Variants in TEDC1 observed in about 807,000 individuals in gnomAD.
TEDC1 encodes tubulin epsilon and delta complex 1.
In TEDC1, 54 loss-of-function variants were observed where a neutral mutation model predicts 59.9. The ratio of observed to expected loss-of-function variants is 0.90; its 90% confidence interval spans 0.72 to 1.13. TEDC1 has a LOEUF of 1.13. TEDC1 is among the 50% of genes most tolerant of loss of function. The pLI, the probability that TEDC1 is intolerant of heterozygous loss-of-function variation, is 0.00. For missense variants in TEDC1, 734 were observed against 683.4 expected, an observed-to-expected ratio of 1.07 and a Z score of -0.83; for synonymous variants, 353 against 298.1, an observed-to-expected ratio of 1.18 and a Z score of -1.90.
intron 5 of TEDC1, 142 bp downstream of exon 5, chr14:105,494,075 C>A (rs1673677300): frequency 8.9e-6 from 6 of 670,964 alleles, no homozygotes; most frequent in South Asian, 8.9e-5. Context: ...TGCCACTGAT[C>A]ATTGCCAGCC....
At chr14:105,496,225 A>T in intron 6 of TEDC1, 139 bp downstream of exon 6, 1 of 830,280 alleles carries the variant, frequency 1.2e-6, no homozygotes, top group South Asian at 1.8e-5. Context: ...AACTGTGGTG[A>T]TTGCCTTCTG....
intron 4 of TEDC1, 39 bp downstream of exon 4, chr14:105,492,773 C>T (rs961776807): frequency 1.3e-6 from 2 of 1,529,940 alleles, no homozygotes; most frequent in Non-Finnish European, 1.8e-6. Flanking sequence ...GGGCTGTGTC[C>T]CGTGCTGCAG....
chr14:105,493,191 G>T (rs1213776322), intron 4 of TEDC1, among the ~76,000 whole-genome samples: 2 of 152,086 alleles, frequency 1.3e-5, no homozygotes, highest in Non-Finnish European at 2.9e-5. Context: ...AGGGGCACAG[G>T]TACCCAGTGG....
intron 5 of TEDC1, chr14:105,495,618 G>A: frequency 2.2e-6 from 1 of 446,872 alleles, no homozygotes; most frequent in Non-Finnish European, 4.0e-6. Context: ...TGCTGAGGCA[G>A]CATCCGGGCG....
chr14:105,498,001 C>T, intron 8 of TEDC1, 24 bp downstream of exon 8: 1 of 1,494,418 alleles, frequency 6.7e-7, no homozygotes, highest in South Asian at 1.3e-5. Flanking sequence ...TCGCTCTGGG[C>T]ACCAGCCCAG....
In TEDC1 at chr14:105,491,382, A is replaced by G; in HGVS notation, c.7A>G (p.Arg3Gly). 1 of 1,422,448 alleles carries G rather than the reference A, an allele frequency of 7.0e-7. No homozygotes were observed. Among genetic ancestry groups the G allele is most frequent in the Non-Finnish European group, 9.1e-7 (1 of 1,097,190 alleles). 88.1% of individuals were successfully genotyped at this position (1,422,448 alleles called of 1,614,324 possible). MG[R>G]RRQRVDPAAG... ...AGAGGCTGGTGCTGGCTGCATGGGG[A>G]GGCGGCGGCAGCGGGTGGACCCCGC... Residue 3 changes from arginine (R) to glycine (G), a missense_variant, in exon 1 of 9, where the codon AGG becomes GGG. Physicochemically the swap from Arg to Gly is moderately radical, Grantham distance 125 (BLOSUM62 -2). Transcript: ENST00000392523.
In TEDC1 at chr14:105,497,939, G is replaced by C. The variant is rs1555440833; in HGVS notation, c.1120G>C (p.Glu374Gln). 3 of 1,546,064 alleles carry C rather than the reference G, an allele frequency of 1.9e-6. No individual in the cohort carries two copies. Among genetic ancestry groups the C allele is most frequent in the Non-Finnish European group, 2.6e-6 (3 of 1,145,706 alleles). ...ELQALEEELREAAERRRAAWE... is the reference protein window; with the variant it reads ...ELQALEEELRQAAERRRAAWE... ...GCAGGCACTGGAGGAGGAGCTGCGGGAGGCTGCGGAGCGCAGGCGGGCGGC... is the reference window on the plus strand; with the variant it reads ...GCAGGCACTGGAGGAGGAGCTGCGGCAGGCTGCGGAGCGCAGGCGGGCGGC... Residue 374 changes from glutamate (E) to glutamine (Q), a missense_variant, in exon 8 of 9, where the codon GAG becomes CAG. Physicochemically the swap from Glu to Gln is conservative, Grantham distance 29. Coordinates refer to ENST00000392523, the MANE Select transcript of TEDC1 (RefSeq NM_001367178.1).
chr14:105,495,860 A>G lies in TEDC1; in HGVS notation c.685-20A>G, dbSNP rs1555440322. ...GGCACTGGCCAGGTGGACTGGGGCC[A>G]TGGCTGGCTTCCTTCCAAGGTTTCT... On this transcript the variant is annotated intron_variant, in intron 5 of 8. Coordinates refer to ENST00000392523, the MANE Select transcript of TEDC1 (RefSeq NM_001367178.1). The G allele has an allele frequency of 5.9e-6, 9 of 1,535,478 alleles. No homozygotes were observed. The highest frequency in any genetic ancestry group is 2.4e-5 in the East Asian group (1 of 40,852).
At chr14:105,498,459 A>G (rs1384145413) in intron 8 of TEDC1, among the ~76,000 whole-genome samples, 158 bp from the exon 9 acceptor site, 2 of 152,104 alleles carry the variant, frequency 1.3e-5, no homozygotes, top group Non-Finnish European at 2.9e-5. Context: ...TGCAGGCATG[A>G]TTTTCCCCTT....
Position 105,497,844 on chromosome 14 carries a change from C to T in TEDC1, c.1025C>T (p.Ser342Leu), listed in dbSNP as rs1555440763. The T allele has an allele frequency of 8.3e-6, 13 of 1,572,430 alleles. No individual in the cohort carries two copies. Among genetic ancestry groups the T allele is most frequent in the Non-Finnish European group, 1.1e-5 (13 of 1,159,060 alleles). ...TCAPEVPAAA[S>L]QPTFLPWVPE... ...GCCCCGGAGGTGCCTGCTGCAGCCT[C>T]ACAGCCCACCTTCCTGCCCTGGGTC... The change falls in exon 8 of 9, where the codon TCA (serine) becomes TTA (leucine). Residue 342 changes from serine (S) to leucine (L), a missense_variant. Physicochemically the swap from Ser to Leu is moderately radical, Grantham distance 145 (BLOSUM62 -2). Coordinates refer to ENST00000392523, the MANE Select transcript of TEDC1 (RefSeq NM_001367178.1).
Position 105,491,616 on chromosome 14 carries a change from C to T in TEDC1, c.148-6C>T. 1.3e-6 allele frequency: 2 copies of T among 1,549,444 alleles called. No individual in the cohort carries two copies. The highest frequency in any genetic ancestry group is 1.7e-6 in the Non-Finnish European group (2 of 1,146,744). On this transcript the variant is annotated splice_polypyrimidine_tract_variant and splice_region_variant and intron_variant, in intron 1 of 8. Transcript: ENST00000392523. Reference sequence around the variant, plus strand: ...CCGCTGACCGCCCGCTTTTTATTTTCCGCAGACCTCCGCGCTCTGGCAGCT... The same window carrying T: ...CCGCTGACCGCCCGCTTTTTATTTTTCGCAGACCTCCGCGCTCTGGCAGCT...
intron 2 of TEDC1, among the ~76,000 whole-genome samples, 162 bp downstream of exon 2, chr14:105,491,862 C>T (rs1374809482): frequency 6.6e-6 from 1 of 152,188 alleles, no homozygotes; most frequent in Non-Finnish European, 1.5e-5. Context: ...TAAGCCACGC[C>T]CCCTGATGGG....
intron 5 of TEDC1, chr14:105,494,548 G>C (rs1555440138): frequency 6.5e-6 from 1 of 154,488 alleles, no homozygotes. Context: ...CCGGCGACCG[G>C]GGCTCTGTGG....
At position 105,491,708 on chromosome 14, in the gene TEDC1, C is replaced by T. The variant is rs913362218; in HGVS notation, c.226+8C>T. 2 of 1,546,602 alleles carry T rather than the reference C, an allele frequency of 1.3e-6. No individual in the cohort carries two copies. The highest frequency in any genetic ancestry group is 1.7e-6 in the Non-Finnish European group (2 of 1,146,602). On this transcript the variant is annotated splice_region_variant and intron_variant, in intron 2 of 8. Coordinates refer to ENST00000392523, the MANE Select transcript of TEDC1 (RefSeq NM_001367178.1). ...TGGCATCGCTCGCCCTGGGTAAGCC[C>T]CGCTCCTGGCCCCGCCCACCCGGTA...
chr14:105,491,026 T>C, upstream of TEDC1: 1 of 1,550,606 alleles, frequency 6.4e-7, no homozygotes, highest in Non-Finnish European at 8.7e-7. Flanking sequence ...CAGAATAGAC[T>C]ACACTCAAAC....
chr14:105,498,070 T>TG, intron 8 of TEDC1, 93 bp downstream of exon 8: 1 of 1,368,304 alleles, frequency 7.3e-7, no homozygotes, highest in Non-Finnish European at 9.6e-7. Flanking sequence ...ATCCTACAGT[T>TG]GCATTTGTCA....
intron 4 of TEDC1, 79 bp from the exon 5 acceptor site, chr14:105,493,756 T>TC: frequency 9.6e-7 from 1 of 1,041,976 alleles, no homozygotes; most frequent in Admixed American, 1.9e-5. Flanking sequence ...ATGGCCGACC[T>TC]CCCTGGACTC....
chr14:105,496,021 G>A lies in TEDC1; in HGVS notation c.826G>A (p.Asp276Asn). ...VCEQPGLLPGDWAAPLDPGGA... is the reference protein window; with the variant it reads ...VCEQPGLLPGNWAAPLDPGGA... Reference sequence around the variant, plus strand: ...TGAGCAGCCAGGTCTGCTGCCGGGTGACTGGGCAGCACCCTTGGATCCTGG... The same window carrying A: ...TGAGCAGCCAGGTCTGCTGCCGGGTAACTGGGCAGCACCCTTGGATCCTGG... Residue 276 changes from aspartate to asparagine, a missense_variant, in exon 6 of 9, where the codon GAC (aspartate) becomes AAC (asparagine). By Grantham distance (23) the Asp-to-Asn change is conservative. Coordinates refer to ENST00000392523, the MANE Select transcript of TEDC1 (RefSeq NM_001367178.1). 5 of 1,550,232 alleles carry A rather than the reference G, an allele frequency of 3.2e-6. No homozygotes were observed. Among genetic ancestry groups the A allele is most frequent in the Non-Finnish European group, 4.4e-6 (5 of 1,146,924 alleles).
rs1379998491 is a variant in TEDC1 at position 105,497,882 on chromosome 14, G to A, written c.1063G>A (p.Gly355Ser). The change falls in exon 8 of 9, where the codon GGT becomes AGT. Residue 355 changes from glycine (G) to serine (S), a missense_variant. Physicochemically the swap from Gly to Ser is moderately conservative, Grantham distance 56. Transcript: ENST00000392523. Reference sequence around the variant, plus strand: ...CCTGCCCTGGGTCCCCGAGCGCGGGGGTGGCGAGTTGGACCTGGTAGTGCG... The same window carrying A: ...CCTGCCCTGGGTCCCCGAGCGCGGGAGTGGCGAGTTGGACCTGGTAGTGCG... ...TFLPWVPERG[G>S]GELDLVVREL... 4.5e-6 allele frequency: 7 copies of A among 1,559,462 alleles called. No individual in the cohort carries two copies. In the African/African-American group the frequency reaches 8.1e-5, roughly 18 times the overall value.
Sources: allele counts gnomAD v4.1 joint callset (sites outside exome capture counted in the v4.1 genomes callset), GRCh38; gene constraint gnomAD v4.1.1; transcripts MANE v1.5; gene names NCBI Gene and HGNC (gene_info 2026-07-23, HGNC 2026-07-21).